The following CA2 variants were observed in gnomAD, a reference collection of about 807,000 sequenced individuals.
CA2 encodes the protein carbonate dehydratase II.
Under a neutral mutation model 27.8 loss-of-function variants are expected in CA2, and 23 were observed. The observed-to-expected ratio is 0.83, with a 90% CI of 0.59 to 1.17. The LOEUF is 1.17. Ranked by LOEUF, CA2 falls within the 50% of genes most tolerant of loss-of-function variation. The pLI is 0.00. For synonymous variants in CA2, 99 were observed against 114.9 expected, an observed-to-expected ratio of 0.86 and a Z score of 0.88; for missense variants, 300 against 314.7, an observed-to-expected ratio of 0.95 and a Z score of 0.35.
At position 85,480,724 on chromosome 8, in the gene CA2, A is replaced by T; in HGVS notation, c.718A>T (p.Met240Leu). Residue 240 changes from methionine (M) to leucine (L), a missense_variant, in exon 7 of 7, where the codon ATG (methionine) becomes TTG (leucine). Physicochemically the swap from Met to Leu is conservative, Grantham distance 15 (BLOSUM62 2). Around this residue, in one of 3 missense-constraint regions of CA2, gnomAD observed 173 missense variants for 161.0 expected, o/e 1.07. Transcript: ENST00000285379. ...FNGEGEPEEL[M>L]VDNWRPAQPL... ...TGGGGAGGGTGAACCCGAAGAACTGATGGTGGACAACTGGCGCCCAGCTCA... is the reference window on the plus strand; with the variant it reads ...TGGGGAGGGTGAACCCGAAGAACTGTTGGTGGACAACTGGCGCCCAGCTCA... The T allele has an allele frequency of 6.8e-6, 11 of 1,613,946 alleles. No homozygotes were observed. The highest frequency in any genetic ancestry group is 8.5e-6 in the Non-Finnish European group (10 of 1,179,868).
chr8:85,464,861 G>C (rs1034403122), intron 1 of CA2: 1 of 195,902 alleles, frequency 5.1e-6, no homozygotes, highest in Non-Finnish European at 1.1e-5. Flanking sequence ...GCCCGGGCCT[G>C]GGCAGTGAGG....
intron 5 of CA2, among the ~76,000 whole-genome samples, chr8:85,476,905 T>C (rs893015938): frequency 1.3e-5 from 2 of 152,142 alleles, no homozygotes; most frequent in Non-Finnish European, 2.9e-5. Context: ...AAAATAGTTT[T>C]TTTTTTTTTT....
At chr8:85,477,045 G>A in intron 5 of CA2, 75 bp from the exon 6 acceptor site, 1 of 1,448,544 alleles carries the variant, frequency 6.9e-7, no homozygotes. Flanking sequence ...ATACCTATTT[G>A]TGTCTGCTGC....
chr8:85,477,242 GCT>G lies in CA2; in HGVS notation c.632_633del (p.Leu211GlnfsTer16). On this transcript the variant is annotated frameshift_variant, in exon 6 of 7. Coordinates refer to ENST00000285379, the MANE Select transcript of CA2 (RefSeq NM_000067.3). LOFTEE classifies it low-confidence loss of function (END_TRUNC). ...TTCTGGAATGTGTGACCTGGATTGT[GCT>G]CAAGGAACCCATCAGCGTCAGCAGC... ...PLLECVTWIV[L>X]KEPISVSSEQ... The G allele has an allele frequency of 6.2e-7, 1 of 1,614,048 alleles. No homozygotes were observed. The highest frequency in any genetic ancestry group is 8.5e-7 in the Non-Finnish European group (1 of 1,179,946).
intron 2 of CA2, among the ~76,000 whole-genome samples, chr8:85,468,129 G>A (rs1811656821): frequency 6.6e-6 from 1 of 152,196 alleles, no homozygotes; most frequent in Non-Finnish European, 1.5e-5. Context: ...AAGGAGGCTT[G>A]GCAGTTTAAC....
chr8:85,471,575 G>C (rs1379692227), intron 2 of CA2, among the ~76,000 whole-genome samples: 3 of 151,954 alleles, frequency 2.0e-5, no homozygotes, highest in Admixed American at 6.6e-5. Flanking sequence ...TTCTTCACTG[G>C]GGGGAAAGAA....
chr8:85,464,803 T>G, intron 1 of CA2: 1 of 169,526 alleles, frequency 5.9e-6, no homozygotes. Context: ...TTGGAGGGTG[T>G]GGGGCTTCCC....
intron 1 of CA2, chr8:85,464,366 T>G (rs1230818941): frequency 6.8e-6 from 3 of 438,182 alleles, no homozygotes; most frequent in Non-Finnish European, 1.2e-5. Flanking sequence ...CGGAGGCGCG[T>G]AGGGCCCGAG....
At chr8:85,477,016 T>C in intron 5 of CA2, 104 bp from the exon 6 acceptor site, 2 of 1,091,528 alleles carry the variant, frequency 1.8e-6, no homozygotes, top group Non-Finnish European at 1.4e-6. Flanking sequence ...AAAAGTGTTT[T>C]TGACCATCAG....
rs749550936 is a variant in CA2 at position 85,475,814 on chromosome 8, C to T, written c.461C>T (p.Pro154Leu). Residue 154 changes from proline (P) to leucine (L), a missense_variant, in exon 5 of 7, where the codon CCG becomes CTG. Pro to Leu is a moderately conservative substitution (Grantham distance 98). Around this residue, in one of 3 missense-constraint regions of CA2, gnomAD observed 173 missense variants for 161.0 expected, o/e 1.07. Transcript: ENST00000285379. ...TTTCTTTAGGTTGGCAGCGCTAAAC[C>T]GGGCCTTCAGAAAGTTGTTGATGTG... ...GIFLKVGSAK[P>L]GLQKVVDVLD... The T allele has an allele frequency of 1.4e-5, 22 of 1,613,924 alleles. No homozygotes were observed. Among genetic ancestry groups the T allele is most frequent in the Admixed American group, 8.3e-5 (5 of 60,014 alleles).
At chr8:85,473,345 T>G (rs759520902) in intron 2 of CA2, 1 of 446,396 alleles carries the variant, frequency 2.2e-6, no homozygotes, top group South Asian at 1.6e-5. Flanking sequence ...CACTTAGAAT[T>G]TTCTCTCTCT....
intron 6 of CA2, among the ~76,000 whole-genome samples, chr8:85,477,936 G>T (rs548404983): frequency 1.3e-5 from 2 of 152,320 alleles, no homozygotes; most frequent in East Asian, 3.9e-4. Context: ...CATTCCTTAG[G>T]ATTCACAAGA....
At chr8:85,475,335 C>T (rs1162529802) in intron 4 of CA2, among the ~76,000 whole-genome samples, 1 of 119,914 alleles carries the variant, frequency 8.3e-6, no homozygotes. Flanking sequence ...CATGCCACTG[C>T]ACTACAAGCT....
chr8:85,480,113 C>T lies in CA2; in HGVS notation c.664-557C>T, dbSNP rs116415383. ...AAATTTCCCTTAAAAATGACCCCAA[C>T]GAATTTGTGTATTTTGTATAAATTG... On this transcript the variant is annotated intron_variant, in intron 6 of 6. Coordinates refer to ENST00000285379, the MANE Select transcript of CA2 (RefSeq NM_000067.3). 4.1e-3 allele frequency among the ~76,000 whole-genome samples: 629 copies of T among 152,172 alleles called. 3 individuals are homozygous for T. The highest frequency in any genetic ancestry group is 0.014 in the African/African-American group (599 of 41,510).
At chr8:85,465,511 T>A (rs528208769) in intron 2 of CA2, 42 bp downstream of exon 2, 35 of 1,524,676 alleles carry the variant, frequency 2.3e-5, no homozygotes, top group Non-Finnish European at 3.1e-5. Flanking sequence ...AGCCAGTAGC[T>A]GTTTTCCGAG....
At chr8:85,477,032 A>C in intron 5 of CA2, 88 bp from the exon 6 acceptor site, 6 of 1,206,050 alleles carry the variant, frequency 5.0e-6, no homozygotes, top group Non-Finnish European at 7.4e-6. Flanking sequence ...ATCAGAGGGG[A>C]GTATACCTAT....
chr8:85,474,433 A>G lies in CA2; in HGVS notation c.444+17A>G. On this transcript the variant is annotated intron_variant, in intron 4 of 6. Transcript: ENST00000285379. Reference sequence around the variant, plus strand: ...TTTTTGAAGGTTAGTTGATGACCCAATTCTTTTTTTTCCCTATTTTTAATA... The same window carrying G: ...TTTTTGAAGGTTAGTTGATGACCCAGTTCTTTTTTTTCCCTATTTTTAATA... 4 of 1,562,256 alleles carry G rather than the reference A, an allele frequency of 2.6e-6. No individual in the cohort carries two copies. Among genetic ancestry groups the G allele is most frequent in the East Asian group, 2.2e-5 (1 of 44,598 alleles).
intron 5 of CA2, among the ~76,000 whole-genome samples, chr8:85,476,399 C>A (rs1811799027): frequency 6.6e-6 from 1 of 152,194 alleles, no homozygotes; most frequent in South Asian, 2.1e-4. Context: ...TGATGGGGAA[C>A]TTATCACCAG....
chr8:85,473,251 A>C, intron 2 of CA2: 1 of 347,270 alleles, frequency 2.9e-6, no homozygotes, highest in South Asian at 2.3e-5. Context: ...AGAGGGTCTC[A>C]CGTTTGCAAG....
Sources: allele counts gnomAD v4.1 joint callset (sites outside exome capture counted in the v4.1 genomes callset), GRCh38; gene constraint gnomAD v4.1.1; regional missense constraint gnomAD v4.1.1; transcripts MANE v1.5; gene names NCBI Gene and HGNC (gene_info 2026-07-23, HGNC 2026-07-21).